Variants in DOCK3 observed in about 807,000 individuals in gnomAD.
The protein encoded by DOCK3 is dedicator of cytokinesis 3.
In DOCK3, 60 loss-of-function variants were observed where a neutral mutation model predicts 265.6. The ratio of observed to expected loss-of-function variants is 0.23; its 90% CI spans 0.18 to 0.28. DOCK3 has a LOEUF of 0.28. DOCK3 is among the 10% of genes least tolerant of loss of function. The probability of loss-of-function intolerance (pLI) is 1.00; values close to 1 mark genes in which losing one functional copy is unlikely to be tolerated. For missense variants in DOCK3, 1,981 were observed against 2,594.3 expected, an observed-to-expected ratio of 0.76 and a Z score of 5.14; for synonymous variants, 881 against 938.0, an observed-to-expected ratio of 0.94 and a Z score of 1.11.
chr3:50,895,252 A>C (rs985817246), intron 4 of DOCK3, among the ~76,000 whole-genome samples: 1 of 139,566 alleles, frequency 7.2e-6, no homozygotes, highest in African/African-American at 2.7e-5. Flanking sequence ...TTTTTCCTTC[A>C]ACTTTAATTT....
intron 5 of DOCK3, among the ~76,000 whole-genome samples, chr3:50,952,356 G>A (rs573578148): frequency 1.2e-4 from 18 of 151,992 alleles, no homozygotes; most frequent in South Asian, 8.3e-4. Flanking sequence ...GGCTCAAAGG[G>A]TATTAATCTG....
intron 1 of DOCK3, among the ~76,000 whole-genome samples, chr3:50,742,093 A>G (rs1245198514): frequency 6.6e-6 from 1 of 152,094 alleles, no homozygotes; most frequent in South Asian, 2.1e-4. Flanking sequence ...GTGTCTGTTC[A>G]TGTCCTTCGC....
intron 3 of DOCK3, among the ~76,000 whole-genome samples, chr3:50,872,467 A>G (rs908063661): frequency 6.6e-6 from 1 of 152,224 alleles, no homozygotes; most frequent in Non-Finnish European, 1.5e-5. Context: ...CACCACCACT[A>G]GGACTGTGCT....
At chr3:51,329,214 T>C (rs1384037707) in intron 32 of DOCK3, among the ~76,000 whole-genome samples, 3 of 152,174 alleles carry the variant, frequency 2.0e-5, no homozygotes, top group Non-Finnish European at 2.9e-5. Flanking sequence ...TACAACCAGT[T>C]TCTCACCTCA....
Position 51,359,123 on chromosome 3 carries a change from C to G in DOCK3, c.4884+1046C>G, listed in dbSNP as rs183292167. Among the ~76,000 whole-genome samples the G allele has an allele frequency of 6.6e-6, 1 of 152,340 alleles. No homozygotes were observed. Among genetic ancestry groups the G allele is most frequent in the East Asian group, 1.9e-4 (1 of 5,192 alleles). Reference sequence around the variant, plus strand: ...TTGTCATGAGCAAAAAATTCCCCCTCTAGGGATAACCATGGCCACAGGAGC... The same window carrying G: ...TTGTCATGAGCAAAAAATTCCCCCTGTAGGGATAACCATGGCCACAGGAGC... On this transcript the variant is annotated intron_variant, in intron 46 of 52. Transcript: ENST00000266037. This position sits in a 1 kb window ranked among gnomAD's most constrained non-coding sequence, Gnocchi z 4.8.
intron 3 of DOCK3, among the ~76,000 whole-genome samples, chr3:50,860,356 G>A (rs779525673): frequency 2.0e-5 from 3 of 152,174 alleles, no homozygotes; most frequent in African/African-American, 4.8e-5. Flanking sequence ...TGCTGAGTTG[G>A]TACTGGCTTG....
chr3:50,846,068 C>T (rs951939013), intron 3 of DOCK3, among the ~76,000 whole-genome samples: 8 of 152,092 alleles, frequency 5.3e-5, no homozygotes, highest in African/African-American at 1.4e-4. Flanking sequence ...CACATAAGAA[C>T]GTGATAATTC....
At chr3:51,025,416 C>T (rs999809623) in intron 5 of DOCK3, among the ~76,000 whole-genome samples, 1 of 152,128 alleles carries the variant, frequency 6.6e-6, no homozygotes, top group African/African-American at 2.4e-5. Context: ...GTCACTCCTG[C>T]GGTGCTCTGG....
intron 2 of DOCK3, among the ~76,000 whole-genome samples, chr3:50,819,866 G>T (rs2044300276): frequency 6.6e-6 from 1 of 152,188 alleles, no homozygotes. Flanking sequence ...GGAGGCTGAG[G>T]CAGGAGAATC....
intron 5 of DOCK3, among the ~76,000 whole-genome samples, chr3:51,059,096 A>G (rs1157204390): frequency 1.3e-5 from 2 of 152,036 alleles, no homozygotes; most frequent in Non-Finnish European, 2.9e-5. Flanking sequence ...TCACCCTCTA[A>G]TAGTCCCCAG....
chr3:51,344,817 C>A (rs2085458376), intron 38 of DOCK3, among the ~76,000 whole-genome samples: 1 of 152,148 alleles, frequency 6.6e-6, no homozygotes, highest in African/African-American at 2.4e-5. Flanking sequence ...CCAAGCCCAC[C>A]AGTGTTCCAG....
intron 2 of DOCK3, among the ~76,000 whole-genome samples, chr3:50,785,483 T>C: frequency 6.6e-6 from 1 of 152,218 alleles, no homozygotes; most frequent in East Asian, 1.9e-4. Flanking sequence ...TTAAGGTATG[T>C]CCCTTCTATG....
At chr3:51,357,391 A>T (rs1442519775) in intron 44 of DOCK3, among the ~76,000 whole-genome samples, 1 of 152,048 alleles carries the variant, frequency 6.6e-6, no homozygotes, top group African/African-American at 2.4e-5. Context: ...TTATGGGAGG[A>T]TGTTAAGTGC....
intron 6 of DOCK3, among the ~76,000 whole-genome samples, chr3:51,066,289 A>C (rs1205605454): frequency 6.6e-6 from 1 of 152,196 alleles, no homozygotes; most frequent in Non-Finnish European, 1.5e-5. Context: ...AAAGCGTCCC[A>C]CTAAATATTT....
chr3:51,249,306 C>A (rs1247532766), intron 22 of DOCK3, among the ~76,000 whole-genome samples: 1 of 144,050 alleles, frequency 6.9e-6, no homozygotes, highest in East Asian at 2.2e-4. Flanking sequence ...CCCAACCAGC[C>A]GCCCCGTCCG....
At chr3:51,248,428 C>T (rs949756321) in intron 22 of DOCK3, among the ~76,000 whole-genome samples, 1 of 152,234 alleles carries the variant, frequency 6.6e-6, no homozygotes, top group Non-Finnish European at 1.5e-5. Flanking sequence ...CTCCTAACCG[C>T]GAGTGATCCA....
chr3:50,791,778 T>C (rs1248503367), intron 2 of DOCK3, among the ~76,000 whole-genome samples: 1 of 152,206 alleles, frequency 6.6e-6, no homozygotes, highest in East Asian at 1.9e-4. Flanking sequence ...TTGTTTTCCA[T>C]TGGTCTCTGT....
At chr3:51,354,861 G>T in intron 40 of DOCK3, 21 bp from the exon 41 acceptor site, 8 of 1,611,546 alleles carry the variant, frequency 5.0e-6, no homozygotes, top group South Asian at 1.1e-5. Context: ...TACATAGAGT[G>T]TGCTCTTCTG....
At chr3:51,274,697 A>G (rs1194920137) in intron 24 of DOCK3, among the ~76,000 whole-genome samples, 2 of 152,106 alleles carry the variant, frequency 1.3e-5, no homozygotes, top group Admixed American at 6.5e-5. Flanking sequence ...GGATTGCTCT[A>G]GCAATCCTAG....
Sources: gnomAD v4.1 joint callset for allele counts (sites outside exome capture counted in the v4.1 genomes callset) on GRCh38, gnomAD v4.1.1 for gene constraint, Gnocchi (gnomAD v3.1) non-coding constraint, MANE v1.5 for transcripts, NCBI Gene and HGNC (gene_info 2026-07-23, HGNC 2026-07-21) for gene names.